Variants in MTF1 observed in about 807,000 individuals in gnomAD.
MTF1 encodes MRE-binding transcription factor.
Under a neutral mutation model 70.4 loss-of-function variants are expected in MTF1, and 22 were observed. The ratio of observed to expected loss-of-function variants is 0.31; its 90% CI spans 0.22 to 0.45. The LOEUF is 0.45. Ranked by LOEUF, MTF1 falls within the 20% of genes least tolerant of loss-of-function variation. The pLI is 1.00. For missense variants in MTF1, 649 were observed against 922.0 expected (o/e 0.70, Z 3.83); for synonymous variants, 333 against 352.8 (o/e 0.94, Z 0.63).
rs377584474 is a variant in MTF1 at position 37,817,503 on chromosome 1, C to T, written c.1768-21G>A. ...TGCTGCTGAAAAAAGAAAAAGAAATCTCATTTATAGCCACTGTAATATGGC... is the reference window on the plus strand; with the variant it reads ...TGCTGCTGAAAAAAGAAAAAGAAATTTCATTTATAGCCACTGTAATATGGC... On this transcript the variant is annotated intron_variant, in intron 9 of 10. Coordinates refer to ENST00000373036, the MANE Select transcript of MTF1 (RefSeq NM_005955.3). 3.5e-5 allele frequency: 55 copies of T among 1,577,680 alleles called. No homozygotes were observed. In the African/African-American group the frequency reaches 5.4e-4, roughly 15 times the overall value.
intron 7 of MTF1, among the ~76,000 whole-genome samples, chr1:37,827,064 T>C (rs1287967551): frequency 6.6e-6 from 1 of 152,210 alleles, no homozygotes; most frequent in Non-Finnish European, 1.5e-5. Flanking sequence ...ATTTTCATTG[T>C]GACACAAAGT....
At position 37,813,295 on chromosome 1, in the gene MTF1, A is replaced by C. The variant is rs970756334; in HGVS notation, c.*1841T>G. The C allele has an allele frequency of 2.6e-5, 4 of 152,064 alleles. No individual in the cohort carries two copies. Among genetic ancestry groups the C allele is most frequent in the Admixed American group, 2.0e-4 (3 of 15,246 alleles). 9.4% of individuals were successfully genotyped at this position (152,064 alleles called of 1,614,324 possible). ...TCTGTCTCAAAAAAAAAAAGAAGTC[A>C]ATTATTCTGGCTAGGGTCCTGGAAT... is the stretch of plus-strand genomic sequence containing the variant. On this transcript the variant is annotated 3_prime_UTR_variant, in exon 11 of 11. Transcript: ENST00000373036.
rs1043576607 is a variant in MTF1, at chr1:37,811,100, C to T, written c.*4036G>A. 1 of 152,624 alleles carries T rather than the reference C, an allele frequency of 6.6e-6. No homozygotes were observed. The allele number at this position is 152,624 out of a possible 1,614,324, so 9.5% of individuals were successfully genotyped here. Reference sequence around the variant, plus strand: ...AGTCTAGAAGGTGCCAGGTTTCTACCTAGGAACAATCTGTTCCTTCCTTTC... The same window carrying T: ...AGTCTAGAAGGTGCCAGGTTTCTACTTAGGAACAATCTGTTCCTTCCTTTC... On this transcript the variant is annotated 3_prime_UTR_variant, in exon 11 of 11. Transcript: ENST00000373036.
chr1:37,827,445 C>A (rs924602151), intron 7 of MTF1, among the ~76,000 whole-genome samples: 14 of 151,858 alleles, frequency 9.2e-5, no homozygotes, highest in African/African-American at 3.4e-4. Flanking sequence ...GCAAGCTCCA[C>A]CTCCCAGGTT....
chr1:37,856,999 C>G (rs182671883), intron 2 of MTF1, among the ~76,000 whole-genome samples: 1 of 152,276 alleles, frequency 6.6e-6, no homozygotes, highest in East Asian at 1.9e-4. Flanking sequence ...AGTGAAATTT[C>G]TGTTTTATTT....
chr1:37,836,889 A>T (rs1641177833), intron 4 of MTF1, among the ~76,000 whole-genome samples: 2 of 151,918 alleles, frequency 1.3e-5, no homozygotes, highest in Admixed American at 1.3e-4. Flanking sequence ...TCACAAAAAT[A>T]AATGCATGTG....
chr1:37,836,409 AAT>A (rs1641171505), intron 4 of MTF1, among the ~76,000 whole-genome samples: 1 of 152,200 alleles, frequency 6.6e-6, no homozygotes, highest in East Asian at 1.9e-4. Flanking sequence ...GTGGCTCTCA[AAT>A]ATGTACATGG....
At chr1:37,845,014 A>G (rs902500381) in intron 2 of MTF1, among the ~76,000 whole-genome samples, 2 of 152,242 alleles carry the variant, frequency 1.3e-5, no homozygotes, top group Non-Finnish European at 2.9e-5. Context: ...CACTAAATAA[A>G]TATTTGTCCA....
At chr1:37,829,515 G>T (rs938499559) in intron 7 of MTF1, among the ~76,000 whole-genome samples, 1 of 151,862 alleles carries the variant, frequency 6.6e-6, no homozygotes. Context: ...GGGCGCGGTG[G>T]CTCACACCTG....
In MTF1 at chr1:37,811,941, C is replaced by G. The variant is rs555405219; in HGVS notation, c.*3195G>C. 6 of 152,724 alleles carry G rather than the reference C, an allele frequency of 3.9e-5. No individual in the cohort carries two copies. Among genetic ancestry groups the G allele is most frequent in the African/African-American group, 9.6e-5 (4 of 41,472 alleles). The allele number at this position is 152,724 out of a possible 1,614,324, so 9.5% of individuals were successfully genotyped here. A position where few individuals can be genotyped will look rare whatever the true frequency, so the allele number is the denominator to read the frequency against. ...CCACCTTCCCTCAATGCCCAACCTA[C>G]CTGCCTGGGAAGGGCCAAGTTCACT... On this transcript the variant is annotated 3_prime_UTR_variant, in exon 11 of 11. Transcript: ENST00000373036.
chr1:37,843,918 C>T (rs1010473582), intron 2 of MTF1, among the ~76,000 whole-genome samples: 2 of 132,928 alleles, frequency 1.5e-5, no homozygotes, highest in African/African-American at 5.4e-5. Context: ...CTTTAGGTTC[C>T]TTAGTCAAGT....
chr1:37,850,338 C>T (rs1641397103), intron 2 of MTF1, among the ~76,000 whole-genome samples: 1 of 151,238 alleles, frequency 6.6e-6, no homozygotes, highest in South Asian at 2.1e-4. Flanking sequence ...TGGCTCATGC[C>T]TATAATCCCA....
chr1:37,838,576 C>A (rs1641205257), intron 4 of MTF1, 49 bp downstream of exon 4: 4 of 1,545,274 alleles, frequency 2.6e-6, no homozygotes, highest in Admixed American at 1.8e-5. Flanking sequence ...TATATCAAGA[C>A]CCCCAGCTGA....
In MTF1 at chr1:37,814,980, G is replaced by A; in HGVS notation, c.*156C>T. ...CAAAGAATAGTTCCTTAAAATGGAT[G>A]CTCCTGGGATGTGAATAAAGAAAAT... On this transcript the variant is annotated 3_prime_UTR_variant, in exon 11 of 11. Transcript: ENST00000373036. The A allele has an allele frequency of 1.6e-6, 1 of 630,178 alleles. No homozygotes were observed. The highest frequency in any genetic ancestry group is 2.7e-6 in the Non-Finnish European group (1 of 370,922). The allele number at this position is 630,178 out of a possible 1,614,324, so 39.0% of individuals were successfully genotyped here.
chr1:37,816,674 C>CAAA (rs35764920), intron 10 of MTF1, among the ~76,000 whole-genome samples: 1 of 96,052 alleles, frequency 1.0e-5, no homozygotes, highest in South Asian at 3.5e-4. Context: ...GACTCCATCT[C>CAAA]AAAAAAAAAA....
At chr1:37,852,499 T>A (rs1460177290) in intron 2 of MTF1, among the ~76,000 whole-genome samples, 1 of 152,200 alleles carries the variant, frequency 6.6e-6, no homozygotes. Flanking sequence ...TGTTAAAATA[T>A]CTACCACAAC....
intron 2 of MTF1, among the ~76,000 whole-genome samples, chr1:37,847,756 G>T: frequency 6.6e-6 from 1 of 152,188 alleles, no homozygotes; most frequent in East Asian, 1.9e-4. Flanking sequence ...AGCACTTTGG[G>T]AGGCTGAGGT....
intron 9 of MTF1, among the ~76,000 whole-genome samples, chr1:37,818,788 A>C (rs931282415): frequency 3.3e-5 from 5 of 151,460 alleles, no homozygotes; most frequent in African/African-American, 1.2e-4. Flanking sequence ...AGGTCAGGAG[A>C]TCGAGACCAT....
rs924201537 is a variant in MTF1, at chr1:37,815,627, C to T, written c.1832-61G>A. 3.7e-5 allele frequency: 49 copies of T among 1,338,368 alleles called. No homozygotes were observed. Among genetic ancestry groups the T allele is most frequent in the Non-Finnish European group, 4.9e-5 (48 of 973,958 alleles). 82.9% of individuals were successfully genotyped at this position (1,338,368 alleles called of 1,614,324 possible). On this transcript the variant is annotated intron_variant, in intron 10 of 10. Transcript: ENST00000373036. The surrounding 1 kb of genome is among the most constrained non-coding windows in gnomAD (Gnocchi z 4.5). ...GCTGCAGGGGCAGGAGCATGAGGGA[C>T]AGGGATACATGGACTAGGTGAGAGC...
Sources: allele counts gnomAD v4.1 joint callset (sites outside exome capture counted in the v4.1 genomes callset), GRCh38; gene constraint gnomAD v4.1.1; non-coding constraint Gnocchi (gnomAD v3.1); transcripts MANE v1.5; gene names NCBI Gene and HGNC (gene_info 2026-07-23, HGNC 2026-07-21).